The following ATL1 variants were observed in gnomAD, a reference collection of about 807,000 sequenced individuals.
ATL1 encodes atlastin GTPase 1.
Under a neutral mutation model 75.5 loss-of-function variants are expected in ATL1, and 31 were observed. The ratio of observed to expected loss-of-function variants is 0.41; its 90% CI spans 0.31 to 0.55. The LOEUF is 0.55. ATL1 is among the 20% of genes least tolerant of loss of function. The pLI is 0.27. For synonymous variants in ATL1, 226 were observed against 233.3 expected (o/e 0.97, Z 0.28); for missense variants, 405 against 662.6 (o/e 0.61, Z 4.27).
intron 5 of ATL1, 36 bp downstream of exon 5, chr14:50,593,932 A>G (rs1303566876): frequency 6.8e-7 from 1 of 1,464,674 alleles, no homozygotes; most frequent in Non-Finnish European, 9.5e-7. Flanking sequence ...TGTATCTGGT[A>G]GTCTTTGAAA....
chr14:50,568,531 C>T (rs1595585674), intron 1 of ATL1, among the ~76,000 whole-genome samples: 1 of 152,074 alleles, frequency 6.6e-6, no homozygotes, highest in Non-Finnish European at 1.5e-5. Flanking sequence ...TATCTTTTTC[C>T]ACCCTACCAC....
intron 4 of ATL1, among the ~76,000 whole-genome samples, chr14:50,592,711 ACCAT>A (rs1459826886): frequency 6.6e-6 from 1 of 151,630 alleles, no homozygotes; most frequent in East Asian, 1.9e-4. Flanking sequence ...GGAGATCGAG[ACCAT>A]CCTGGCTAAC....
At chr14:50,606,300 A>AT (rs1286733572) in intron 6 of ATL1, among the ~76,000 whole-genome samples, 1 of 151,880 alleles carries the variant, frequency 6.6e-6, no homozygotes, top group Non-Finnish European at 1.5e-5. Flanking sequence ...AGTTATTCTC[A>AT]TTTTTTAAAA....
chr14:50,611,443 T>C (rs1231525084), intron 6 of ATL1, among the ~76,000 whole-genome samples: 3 of 152,138 alleles, frequency 2.0e-5, no homozygotes, highest in Non-Finnish European at 4.4e-5. Context: ...ACATATTTAC[T>C]CAAACTGCTT....
At chr14:50,590,915 A>C (rs2039149880) in intron 2 of ATL1, 26 bp from the exon 3 acceptor site, 1 of 1,610,810 alleles carries the variant, frequency 6.2e-7, no homozygotes, top group African/African-American at 1.3e-5. Context: ...ATCAAGTTCC[A>C]TATCATAGAC....
intron 4 of ATL1, among the ~76,000 whole-genome samples, chr14:50,593,243 A>G (rs1326031824): frequency 6.6e-6 from 1 of 152,016 alleles, no homozygotes; most frequent in Non-Finnish European, 1.5e-5. Flanking sequence ...GTGAGAAATG[A>G]TGATCTGTTA....
intron 8 of ATL1, among the ~76,000 whole-genome samples, chr14:50,618,081 A>G (rs927419559): frequency 3.3e-5 from 5 of 152,188 alleles, no homozygotes; most frequent in South Asian, 2.1e-4. Context: ...ATTCCATTCC[A>G]ATTGTATAAG....
Position 50,592,908 on chromosome 14 carries a change from C to G in ATL1, c.523-938C>G, listed in dbSNP as rs1400116400. ...AACCTGGGTGACAGGGCGAGACTCC[C>G]GTCTCAAAAAAAAAAAAAAAAATAT... On this transcript the variant is annotated intron_variant, in intron 4 of 13. Transcript: ENST00000358385. Among the ~76,000 whole-genome samples, 108 of 111,214 alleles carry G rather than the reference C, an allele frequency of 9.7e-4. 2 individuals are homozygous for G. The highest frequency in any genetic ancestry group is 6.9e-4 in the Non-Finnish European group (40 of 57,952). 73.0% of individuals were successfully genotyped at this position (111,214 alleles called of 152,430 possible). A position where few individuals can be genotyped will look rare whatever the true frequency, so the allele number is the denominator to read the frequency against.
chr14:50,601,279 TA>T lies in ATL1; in HGVS notation c.630+5654del, dbSNP rs1016617744. Among the ~76,000 whole-genome samples, 7 of 152,130 alleles carry T rather than the reference TA, an allele frequency of 4.6e-5. No individual in the cohort carries two copies. The East Asian group carries it at 5.8e-4, about 13-fold the overall frequency. ...GAATTAACATATTAACTTGATTCTT[TA>T]AAAAAACAATTTATATCAAGCTGTA... On this transcript the variant is annotated intron_variant, in intron 6 of 13. Transcript: ENST00000358385.
chr14:50,632,813 A>C lies in ATL1; in HGVS notation c.*474A>C, dbSNP rs1437912673. 6.4e-6 allele frequency: 1 copy of C among 156,700 alleles called. No homozygotes were observed. The highest frequency in any genetic ancestry group is 1.4e-5 in the Non-Finnish European group (1 of 70,628). The allele number at this position is 156,700 out of a possible 1,614,324, so 9.7% of individuals were successfully genotyped here. On this transcript the variant is annotated 3_prime_UTR_variant, in exon 14 of 14. Coordinates refer to ENST00000358385, the MANE Select transcript of ATL1 (RefSeq NM_015915.5). ...TATATATATCACAATCTTATTTTTA[A>C]GCACATTTTAGAGTTCCTTAGTTGC...
intron 1 of ATL1, among the ~76,000 whole-genome samples, chr14:50,541,851 C>CA (rs1471438091): frequency 4.0e-5 from 6 of 151,122 alleles, no homozygotes; most frequent in Admixed American, 4.0e-4. Flanking sequence ...TCTAAAAATA[C>CA]AAAAAATTAG....
chr14:50,571,677 C>A (rs548032683), intron 1 of ATL1, among the ~76,000 whole-genome samples: 1 of 152,112 alleles, frequency 6.6e-6, no homozygotes, highest in African/African-American at 2.4e-5. Context: ...AGAATAAATC[C>A]AGGCTAGTCA....
chr14:50,618,283 G>A (rs920120952), intron 8 of ATL1, among the ~76,000 whole-genome samples: 2 of 152,126 alleles, frequency 1.3e-5, no homozygotes, highest in African/African-American at 2.4e-5. Context: ...AGTGAATACA[G>A]ATACATGGCA....
rs1467601442 is a variant in ATL1 at position 50,583,263 on chromosome 14, T to C, written c.35-4568T>C. On this transcript the variant is annotated intron_variant, in intron 1 of 13. Transcript: ENST00000358385. Reference sequence around the variant, plus strand: ...GAAAAAGAAAAGACATACATAAAGATTGAAAAGTTGGAAACTGTCATTATT... The same window carrying C: ...GAAAAAGAAAAGACATACATAAAGACTGAAAAGTTGGAAACTGTCATTATT... Among the ~76,000 whole-genome samples the C allele has an allele frequency of 2.0e-5, 3 of 152,156 alleles. No individual in the cohort carries two copies. The East Asian group carries it at 5.8e-4, about 29-fold the overall frequency.
At chr14:50,568,961 A>T (rs1218266171) in intron 1 of ATL1, among the ~76,000 whole-genome samples, 2 of 152,058 alleles carry the variant, frequency 1.3e-5, no homozygotes, top group Non-Finnish European at 2.9e-5. Context: ...CTTCTCCTTT[A>T]CATGTCCATC....
At chr14:50,566,402 AT>A (rs1301324888) in intron 1 of ATL1, among the ~76,000 whole-genome samples, 1 of 152,176 alleles carries the variant, frequency 6.6e-6, no homozygotes. Context: ...AAATATATAT[AT>A]ATCCCTAAAT....
At chr14:50,557,220 ACTGTT>A (rs1399772933), upstream of ATL1, among the ~76,000 whole-genome samples, 1 of 152,242 alleles carries the variant, frequency 6.6e-6, no homozygotes, top group Non-Finnish European at 1.5e-5. Context: ...GTGAAACATT[ACTGTT>A]CTAAGACTCA....
chr14:50,582,274 A>G (rs1467632678), intron 1 of ATL1, among the ~76,000 whole-genome samples: 4 of 151,770 alleles, frequency 2.6e-5, no homozygotes, highest in Admixed American at 6.6e-5. Flanking sequence ...GTGAGTCTCC[A>G]TCTCAACAAA....
intron 8 of ATL1, among the ~76,000 whole-genome samples, chr14:50,615,658 C>T (rs2039407818): frequency 6.6e-6 from 1 of 152,198 alleles, no homozygotes; most frequent in Non-Finnish European, 1.5e-5. Flanking sequence ...ATTTCACTGT[C>T]ACACTTATGA....
Sources: allele counts gnomAD v4.1 joint callset (sites outside exome capture counted in the v4.1 genomes callset), GRCh38; gene constraint gnomAD v4.1.1; transcripts MANE v1.5; gene names NCBI Gene and HGNC (gene_info 2026-07-23, HGNC 2026-07-21).